ADARB2: variants seen among roughly 807,000 people sequenced by gnomAD.
The protein encoded by ADARB2 is adenosine deaminase RNA specific B2 (inactive).
ADARB2 carries 25 observed loss-of-function variants against 62.2 expected under a neutral mutation model. The observed-to-expected ratio is 0.40, with a 90% CI of 0.29 to 0.56. The LOEUF is 0.56. Ranked by LOEUF, ADARB2 falls within the 20% of genes least tolerant of loss-of-function variation. The probability of loss-of-function intolerance (pLI) is 0.43; values close to 1 mark genes in which losing one functional copy is unlikely to be tolerated. For missense variants in ADARB2, 1,071 were observed against 1,077.4 expected, an observed-to-expected ratio of 0.99 and a Z score of 0.08; for synonymous variants, 572 against 500.8, an observed-to-expected ratio of 1.14 and a Z score of -1.90.
At chr10:1,724,709 G>A (rs1835141468) in intron 1 of ADARB2, among the ~76,000 whole-genome samples, 1 of 152,196 alleles carries the variant, frequency 6.6e-6, no homozygotes, top group African/African-American at 2.4e-5. Flanking sequence ...AGAATAAATT[G>A]GTCTGGAAGT....
At chr10:1,265,658 CT>C in intron 4 of ADARB2, among the ~76,000 whole-genome samples, 1 of 82,234 alleles carries the variant, frequency 1.2e-5, no homozygotes, top group African/African-American at 5.6e-5. Flanking sequence ...GGTCCACGCT[CT>C]CCCGGAAGAC....
intron 1 of ADARB2, among the ~76,000 whole-genome samples, chr10:1,725,721 C>G (rs979456629): frequency 1.3e-5 from 2 of 152,202 alleles, no homozygotes; most frequent in African/African-American, 4.8e-5. Flanking sequence ...TGTCCTCAGC[C>G]GCAGATGCGT....
intron 1 of ADARB2, among the ~76,000 whole-genome samples, chr10:1,614,936 T>G (rs746981887): frequency 1.3e-5 from 2 of 151,810 alleles, no homozygotes; most frequent in Non-Finnish European, 2.9e-5. Flanking sequence ...AATGCCCTTT[T>G]TGTTTTGGGT....
intron 1 of ADARB2, among the ~76,000 whole-genome samples, chr10:1,650,519 C>T (rs116816423): frequency 0.01 from 1,595 of 152,264 alleles, 28 homozygotes; most frequent in African/African-American, 0.035. Flanking sequence ...AACGCACCTC[C>T]GCCAGTCTTG....
chr10:1,368,013 G>A (rs1455023921), intron 2 of ADARB2, among the ~76,000 whole-genome samples: 3 of 152,150 alleles, frequency 2.0e-5, no homozygotes, highest in Admixed American at 2.0e-4. Flanking sequence ...TGGGCCCTCT[G>A]GGGGGTGATA....
In ADARB2 at chr10:1,286,678, G is replaced by A. The variant is rs866232478; in HGVS notation, c.1078-15609C>T. Among the ~76,000 whole-genome samples, 8 of 152,120 alleles carry A rather than the reference G, an allele frequency of 5.3e-5. No individual in the cohort carries two copies. In the South Asian group the frequency reaches 6.2e-4, roughly 12 times the overall value. ...GGGGCAATTGGGGTCTCTGAGCCAC[G>A]GGTTCCTCTTCTGCAAGAGGCATCA... is the stretch of plus-strand genomic sequence containing the variant. On this transcript the variant is annotated intron_variant, in intron 3 of 9. Transcript: ENST00000381312.
In ADARB2 at chr10:1,229,916, G is replaced by T. The variant is rs116868986; in HGVS notation, c.1513+3778C>A. 6.4e-3 allele frequency among the ~76,000 whole-genome samples: 971 copies of T among 152,154 alleles called. 3 individuals carry two copies. The highest frequency in any genetic ancestry group is 8.9e-3 in the Non-Finnish European group (603 of 68,008). ...AGAAGTCTGGCACAGTTGAGAGAGG[G>T]GCTAGCAGGCGTGGCCACTGTGGAG... On this transcript the variant is annotated intron_variant, in intron 6 of 9. Transcript: ENST00000381312.
intron 2 of ADARB2, among the ~76,000 whole-genome samples, chr10:1,366,819 C>G (rs1832317931): frequency 6.6e-6 from 1 of 152,236 alleles, no homozygotes; most frequent in Admixed American, 6.5e-5. Context: ...CAGGCAAGAA[C>G]ACACAGGCTT....
chr10:1,351,270 G>C (rs1257434673), intron 3 of ADARB2, among the ~76,000 whole-genome samples: 1 of 152,140 alleles, frequency 6.6e-6, no homozygotes, highest in African/African-American at 2.4e-5. Flanking sequence ...CGGATGCTGA[G>C]CTTCGGGTAA....
intron 1 of ADARB2, among the ~76,000 whole-genome samples, chr10:1,382,660 G>A (rs1037787756): frequency 6.6e-6 from 1 of 151,292 alleles, no homozygotes; most frequent in African/African-American, 2.4e-5. Context: ...GTCATCTTTT[G>A]GAAATCTGGT....
intron 3 of ADARB2, among the ~76,000 whole-genome samples, chr10:1,359,880 G>A (rs1165613348): frequency 6.6e-6 from 1 of 152,242 alleles, no homozygotes; most frequent in Admixed American, 6.5e-5. Context: ...AGGCTCCTCA[G>A]CGGTGTCTAA....
chr10:1,410,756 G>A (rs942360194), intron 1 of ADARB2, among the ~76,000 whole-genome samples: 2 of 152,140 alleles, frequency 1.3e-5, no homozygotes, highest in Admixed American at 6.5e-5. Flanking sequence ...GATTCACCAC[G>A]GGGATGAGCA....
chr10:1,476,888 TG>T (rs1271442805), intron 1 of ADARB2, among the ~76,000 whole-genome samples: 1 of 151,982 alleles, frequency 6.6e-6, no homozygotes, highest in Admixed American at 6.5e-5. Flanking sequence ...GTGCCACAAG[TG>T]AGGGTGGCCG....
rs942219343 is a variant in ADARB2 at position 1,426,260 on chromosome 10, T to C, written c.101-47100A>G. ...ACAGATGAGCTCTGCAGTGCCAGCC[T>C]CATTAGGTCGGCCTGCGTGGTCCTC... On this transcript the variant is annotated intron_variant, in intron 1 of 9. Transcript: ENST00000381312. This position sits in a 1 kb window ranked among gnomAD's most constrained non-coding sequence, Gnocchi z 4.1. Among the ~76,000 whole-genome samples the C allele has an allele frequency of 3.3e-5, 5 of 152,178 alleles. No individual in the cohort carries two copies. The highest frequency in any genetic ancestry group is 1.2e-4 in the African/African-American group (5 of 41,450).
intron 4 of ADARB2, among the ~76,000 whole-genome samples, chr10:1,263,513 T>C (rs1831164080): frequency 6.6e-6 from 1 of 152,254 alleles, no homozygotes; most frequent in South Asian, 2.1e-4. Context: ...TGGATTTTCT[T>C]TTCCTGGTGA....
intron 6 of ADARB2, among the ~76,000 whole-genome samples, chr10:1,217,341 A>C (rs1830641647): frequency 6.6e-6 from 1 of 152,166 alleles, no homozygotes. Flanking sequence ...AGGGTCAGGG[A>C]GTAAAAACCC....
intron 1 of ADARB2, among the ~76,000 whole-genome samples, chr10:1,607,723 G>A (rs1350480842): frequency 3.3e-5 from 5 of 152,192 alleles, no homozygotes; most frequent in East Asian, 1.9e-4. Flanking sequence ...GGCAGGGGAC[G>A]TCACACGGCT....
chr10:1,375,824 C>T (rs1246873428), intron 2 of ADARB2, among the ~76,000 whole-genome samples: 3 of 151,716 alleles, frequency 2.0e-5, no homozygotes, highest in African/African-American at 7.3e-5. Flanking sequence ...CATGCACACA[C>T]ACACGTGCAC....
intron 3 of ADARB2, among the ~76,000 whole-genome samples, chr10:1,285,002 C>T (rs923587892): frequency 2.0e-5 from 3 of 152,000 alleles, no homozygotes; most frequent in South Asian, 2.1e-4. Context: ...GGGGAGGGGA[C>T]GAGAGAGGCT....
Sources: allele counts gnomAD v4.1 joint callset (sites outside exome capture counted in the v4.1 genomes callset), GRCh38; gene constraint gnomAD v4.1.1; non-coding constraint Gnocchi (gnomAD v3.1); transcripts MANE v1.5; gene names NCBI Gene and HGNC (gene_info 2026-07-23, HGNC 2026-07-21).